GRM3: variants seen among roughly 807,000 people sequenced by gnomAD.
GRM3 encodes the protein glutamate metabotropic receptor 3.
A neutral mutation model predicts 70.5 loss-of-function variants in GRM3; 26 were observed. The observed-to-expected ratio is 0.37, with a 90% CI of 0.27 to 0.51. The LOEUF (loss-of-function observed/expected upper bound fraction) is 0.51, where lower values mean the gene tolerates loss of function less well. Ranked by LOEUF, GRM3 falls within the 20% of genes least tolerant of loss-of-function variation. The pLI is 0.93. For synonymous variants in GRM3, 443 were observed against 434.9 expected (o/e 1.02, Z -0.23); for missense variants, 859 against 1,123.8 (o/e 0.76, Z 3.37).
intron 1 of GRM3, among the ~76,000 whole-genome samples, chr7:86,646,002 G>A (rs1562811269): frequency 5.5e-5 from 2 of 36,554 alleles, no homozygotes; most frequent in African/African-American, 8.6e-5. Context: ...TGGGGGTGGG[G>A]GGGTGGGGGG....
intron 3 of GRM3, among the ~76,000 whole-genome samples, chr7:86,804,256 C>T (rs1219327072): frequency 6.6e-6 from 1 of 152,092 alleles, no homozygotes; most frequent in African/African-American, 2.4e-5. Context: ...AGACACTGAA[C>T]CAGTAAAGAT....
chr7:86,670,863 T>C (rs954585858), intron 1 of GRM3, among the ~76,000 whole-genome samples: 2 of 152,220 alleles, frequency 1.3e-5, no homozygotes, highest in African/African-American at 2.4e-5. Flanking sequence ...GACAACTCTC[T>C]ATTCTCAGAA....
chr7:86,728,698 C>T (rs1159048216), intron 1 of GRM3, among the ~76,000 whole-genome samples: 1 of 152,132 alleles, frequency 6.6e-6, no homozygotes, highest in Non-Finnish European at 1.5e-5. Flanking sequence ...TGTTTACTGT[C>T]CTTCATTTGC....
At chr7:86,782,288 T>C (rs1013835754) in intron 2 of GRM3, among the ~76,000 whole-genome samples, 2 of 151,896 alleles carry the variant, frequency 1.3e-5, no homozygotes, top group Non-Finnish European at 2.9e-5. Context: ...CTTCCAGAAT[T>C]CATTACTGGG....
chr7:86,795,313 A>ATTTTATTTTATTTTATTTTT (rs1797523913), intron 3 of GRM3, among the ~76,000 whole-genome samples: 1 of 148,028 alleles, frequency 6.8e-6, no homozygotes, highest in Non-Finnish European at 1.5e-5. Context: ...ATTTTATTTT[A>ATTTTATTTTATTTTATTTTT]TTTTATGTTC....
intron 1 of GRM3, among the ~76,000 whole-genome samples, chr7:86,706,388 A>G (rs1013954967): frequency 6.6e-6 from 1 of 152,084 alleles, no homozygotes; most frequent in Non-Finnish European, 1.5e-5. Flanking sequence ...CAGCTTTACA[A>G]TCTAAAAGAA....
At chr7:86,818,043 G>C (rs1172073777) in intron 3 of GRM3, among the ~76,000 whole-genome samples, 1 of 151,900 alleles carries the variant, frequency 6.6e-6, no homozygotes, top group South Asian at 2.1e-4. Context: ...ATTCCTTCTT[G>C]TCTGGATCAC....
intron 1 of GRM3, among the ~76,000 whole-genome samples, chr7:86,712,776 C>T (rs1795227975): frequency 6.6e-6 from 1 of 152,032 alleles, no homozygotes; most frequent in Non-Finnish European, 1.5e-5. Context: ...ACATGATGCT[C>T]TGCAGTTCTA....
At chr7:86,801,757 G>A (rs2116621897) in intron 3 of GRM3, among the ~76,000 whole-genome samples, 2 of 152,268 alleles carry the variant, frequency 1.3e-5, no homozygotes, top group Non-Finnish European at 2.9e-5. Context: ...AGGGACCATA[G>A]TGAGCAGAGG....
chr7:86,749,049 G>A (rs1562847667), intron 1 of GRM3, among the ~76,000 whole-genome samples: 1 of 152,046 alleles, frequency 6.6e-6, no homozygotes, highest in Non-Finnish European at 1.5e-5. Flanking sequence ...TAGTAATATT[G>A]AAAGAAACTT....
intron 1 of GRM3, among the ~76,000 whole-genome samples, chr7:86,680,619 C>A (rs564073778): frequency 1.3e-5 from 2 of 152,170 alleles, no homozygotes; most frequent in South Asian, 4.1e-4. Context: ...TACCCTATAG[C>A]ATAATTTAGA....
At chr7:86,661,604 GA>G (rs1450755282) in intron 1 of GRM3, among the ~76,000 whole-genome samples, 1 of 151,828 alleles carries the variant, frequency 6.6e-6, no homozygotes. Context: ...CCTAAGGTTA[GA>G]AAAATATATA....
chr7:86,839,685 A>G lies in GRM3; in HGVS notation c.2171A>G (p.Glu724Gly), dbSNP rs1374080663. ...TRRYTLAEKR[E>G]TVILKCNVKD... ...AGGTATACCCTTGCAGAGAAGCGGG[A>G]AACAGTCATCCTAAAATGCAATGTC... The change falls in exon 4 of 6, where the codon GAA becomes GGA. Residue 724 changes from glutamate (E) to glycine (G), a missense_variant. By Grantham distance (98) the Glu-to-Gly change is moderately conservative. Transcript: ENST00000361669. The surrounding 1 kb of genome is among the most constrained non-coding windows in gnomAD (Gnocchi z 4.5). 1.2e-6 allele frequency: 2 copies of G among 1,614,014 alleles called. No individual in the cohort carries two copies. The highest frequency in any genetic ancestry group is 2.2e-5 in the East Asian group (1 of 44,854).
At chr7:86,647,362 A>G (rs1284536805) in intron 1 of GRM3, among the ~76,000 whole-genome samples, 1 of 152,200 alleles carries the variant, frequency 6.6e-6, no homozygotes, top group African/African-American at 2.4e-5. Context: ...AATGTAGCAC[A>G]TTGGCTTGGG....
chr7:86,662,467 G>A (rs766561118), intron 1 of GRM3, among the ~76,000 whole-genome samples: 2 of 151,696 alleles, frequency 1.3e-5, no homozygotes, highest in South Asian at 2.1e-4. Context: ...AATGAGCAGG[G>A]CATATTACCA....
At chr7:86,694,511 C>CAAA (rs1226119828) in intron 1 of GRM3, among the ~76,000 whole-genome samples, 46 of 37,146 alleles carry the variant, frequency 1.2e-3, no homozygotes, top group African/African-American at 3.1e-3. Context: ...GACTCTGTCT[C>CAAA]AAAAAAAAAA....
chr7:86,792,451 AT>A (rs1562865878), intron 3 of GRM3, among the ~76,000 whole-genome samples: 1 of 152,226 alleles, frequency 6.6e-6, no homozygotes, highest in Non-Finnish European at 1.5e-5. Flanking sequence ...CGTAGGCATT[AT>A]CTCAGGAATA....
At chr7:86,770,033 A>C (rs187661836) in intron 2 of GRM3, among the ~76,000 whole-genome samples, 1 of 152,268 alleles carries the variant, frequency 6.6e-6, no homozygotes, top group East Asian at 1.9e-4. Flanking sequence ...GATTGTCTAC[A>C]TGGTACTTGT....
chr7:86,753,085 G>T (rs73194524), intron 1 of GRM3, among the ~76,000 whole-genome samples: 89 of 151,812 alleles, frequency 5.9e-4, no homozygotes, highest in Admixed American at 8.5e-4. Flanking sequence ...TGCATCATCC[G>T]CACAGCCAGC....
Sources: gnomAD v4.1 joint callset for allele counts (sites outside exome capture counted in the v4.1 genomes callset) on GRCh38, gnomAD v4.1.1 for gene constraint, Gnocchi (gnomAD v3.1) non-coding constraint, MANE v1.5 for transcripts, NCBI Gene and HGNC (gene_info 2026-07-23, HGNC 2026-07-21) for gene names.